Variants in KCNJ6 observed in about 807,000 individuals in gnomAD.
The protein encoded by KCNJ6 is G protein-activated inward rectifier potassium channel 2.
In KCNJ6, 9 loss-of-function variants were observed where a neutral mutation model predicts 34.2. That is an observed-to-expected ratio of 0.26 (90% CI 0.16 to 0.46). The LOEUF (loss-of-function observed/expected upper bound fraction) is 0.46, where lower values mean the gene tolerates loss of function less well. Among genes scored for constraint, KCNJ6 ranks in the 20% least tolerant of loss-of-function variants. The probability of loss-of-function intolerance (pLI) is 1.00; values close to 1 mark genes in which losing one functional copy is unlikely to be tolerated. For synonymous variants in KCNJ6, 196 were observed against 207.1 expected, an observed-to-expected ratio of 0.95 and a Z score of 0.46; for missense variants, 236 against 531.3, an observed-to-expected ratio of 0.44 and a Z score of 5.46.
chr21:37,844,607 C>T (rs1376860237), intron 1 of KCNJ6, among the ~76,000 whole-genome samples: 3 of 152,098 alleles, frequency 2.0e-5, no homozygotes, highest in South Asian at 4.1e-4. Flanking sequence ...TCCACTCATA[C>T]CTTAGGTCCA....
chr21:37,676,176 C>T (rs1220088269), intron 3 of KCNJ6, among the ~76,000 whole-genome samples: 1 of 151,906 alleles, frequency 6.6e-6, no homozygotes, highest in African/African-American at 2.4e-5. Flanking sequence ...CGTCTGAGTG[C>T]AGAAAGGGAG....
intron 1 of KCNJ6, among the ~76,000 whole-genome samples, chr21:37,859,487 T>TTATATATATATATATATATATATA (rs55859652): frequency 2.4e-5 from 2 of 84,296 alleles, no homozygotes; most frequent in South Asian, 3.5e-4. Context: ...TTATATTACT[T>TTATATATATATATATATATATATA]TATATATATA....
chr21:37,801,068 C>T (rs578061449), intron 2 of KCNJ6, among the ~76,000 whole-genome samples: 9 of 152,176 alleles, frequency 5.9e-5, no homozygotes, highest in South Asian at 2.1e-4. Context: ...CAACTTTGAC[C>T]GAACATACTC....
At chr21:37,860,467 C>T (rs1011764703) in intron 1 of KCNJ6, among the ~76,000 whole-genome samples, 1 of 152,184 alleles carries the variant, frequency 6.6e-6, no homozygotes, top group Non-Finnish European at 1.5e-5. Context: ...ATATGGCAGC[C>T]AGAGCCATCA....
intron 1 of KCNJ6, among the ~76,000 whole-genome samples, chr21:37,858,220 T>C (rs1287425769): frequency 6.6e-6 from 1 of 151,606 alleles, no homozygotes; most frequent in African/African-American, 2.4e-5. Context: ...TGAAACCCCA[T>C]CTCTACTAAA....
chr21:37,780,657 A>G (rs1328621655), intron 2 of KCNJ6, among the ~76,000 whole-genome samples: 1 of 152,200 alleles, frequency 6.6e-6, no homozygotes, highest in Non-Finnish European at 1.5e-5. Context: ...AACTCTTCTT[A>G]AAAATAAAGT....
intron 1 of KCNJ6, among the ~76,000 whole-genome samples, chr21:37,863,860 GTT>G (rs56800970): frequency 6.2e-5 from 5 of 81,078 alleles, no homozygotes; most frequent in African/African-American, 4.7e-5. Context: ...TTTTTTTTTT[GTT>G]TTTTTTTTTT....
intron 2 of KCNJ6, among the ~76,000 whole-genome samples, chr21:37,727,034 C>A (rs534173189): frequency 6.6e-6 from 1 of 152,176 alleles, no homozygotes; most frequent in Non-Finnish European, 1.5e-5. Context: ...GAGCAGAATT[C>A]ACAGGGACAT....
intron 2 of KCNJ6, among the ~76,000 whole-genome samples, chr21:37,812,343 T>C (rs2055327227): frequency 6.6e-6 from 1 of 152,092 alleles, no homozygotes. Context: ...GAGTCCCTAT[T>C]TTCTAGAAAA....
At chr21:37,891,166 C>T (rs1293423554) in intron 1 of KCNJ6, among the ~76,000 whole-genome samples, 1 of 152,144 alleles carries the variant, frequency 6.6e-6, no homozygotes, top group African/African-American at 2.4e-5. Context: ...AGGATACTTT[C>T]ACAGGTGGGC....
intron 3 of KCNJ6, among the ~76,000 whole-genome samples, chr21:37,696,441 TGAAAA>T (rs2054663844): frequency 6.6e-6 from 1 of 152,050 alleles, no homozygotes; most frequent in Non-Finnish European, 1.5e-5. Flanking sequence ...AATCTAATCA[TGAAAA>T]GAACATTAAA....
At chr21:37,898,875 ATTAGT>A (rs1424382146) in intron 1 of KCNJ6, among the ~76,000 whole-genome samples, 1 of 152,134 alleles carries the variant, frequency 6.6e-6, no homozygotes, top group African/African-American at 2.4e-5. Flanking sequence ...TTCCTTTTTC[ATTAGT>A]TTAGGTGTAA....
intron 2 of KCNJ6, among the ~76,000 whole-genome samples, chr21:37,828,039 C>T (rs773405880): frequency 2.6e-5 from 4 of 152,130 alleles, no homozygotes; most frequent in Non-Finnish European, 4.4e-5. Context: ...GCCACACTGA[C>T]GTGCCTCACC....
In KCNJ6 at chr21:37,608,350, G is replaced by T. The variant is rs2054231457; in HGVS notation, c.*16809C>A. ...TCTCTCTTTTTAAAATAGAGATGGG[G>T]TCTTGCTGTGTTGCACAGGCTAATC... On this transcript the variant is annotated 3_prime_UTR_variant, in exon 4 of 4. Transcript: ENST00000609713. The T allele has an allele frequency of 6.6e-6, 1 of 152,172 alleles. No homozygotes were observed. The highest frequency in any genetic ancestry group is 6.5e-5 in the Admixed American group (1 of 15,274). 9.4% of individuals were successfully genotyped at this position (152,172 alleles called of 1,614,324 possible). A position where few individuals can be genotyped will look rare whatever the true frequency, so the allele number is the denominator to read the frequency against.
At chr21:37,810,142 C>T (rs987316435) in intron 2 of KCNJ6, among the ~76,000 whole-genome samples, 1 of 152,128 alleles carries the variant, frequency 6.6e-6, no homozygotes, top group African/African-American at 2.4e-5. Context: ...CACACACACA[C>T]AAACACACAA....
At chr21:37,829,361 A>G (rs554654379) in intron 2 of KCNJ6, among the ~76,000 whole-genome samples, 1 of 152,274 alleles carries the variant, frequency 6.6e-6, no homozygotes, top group Non-Finnish European at 1.5e-5. Context: ...GGCTGGAGCA[A>G]AGGCAAGTGG....
chr21:37,767,580 G>A (rs1460922776), intron 2 of KCNJ6, among the ~76,000 whole-genome samples: 2 of 152,164 alleles, frequency 1.3e-5, no homozygotes, highest in Non-Finnish European at 2.9e-5. Flanking sequence ...AGGAAAGTGA[G>A]AAACCCAGCA....
intron 2 of KCNJ6, among the ~76,000 whole-genome samples, chr21:37,815,803 C>T (rs980091565): frequency 6.6e-6 from 1 of 152,214 alleles, no homozygotes; most frequent in Non-Finnish European, 1.5e-5. Context: ...AAGCTTTGAG[C>T]CCTTGGCTTT....
chr21:37,870,882 T>G (rs2055648225), intron 1 of KCNJ6, among the ~76,000 whole-genome samples: 1 of 152,196 alleles, frequency 6.6e-6, no homozygotes, highest in Non-Finnish European at 1.5e-5. Context: ...TTGGCCTGAC[T>G]ACTCATGTGA....
Sources: gnomAD v4.1 joint callset for allele counts (sites outside exome capture counted in the v4.1 genomes callset) on GRCh38, gnomAD v4.1.1 for gene constraint, MANE v1.5 for transcripts, NCBI Gene and HGNC (gene_info 2026-07-23, HGNC 2026-07-21) for gene names.